RNF216: variants seen among roughly 807,000 people sequenced by gnomAD.
RNF216 encodes E3 ubiquitin-protein ligase RNF216.
Under a neutral mutation model 110.8 loss-of-function variants are expected in RNF216, and 72 were observed. The ratio of observed to expected loss-of-function variants is 0.65; its 90% confidence interval spans 0.54 to 0.79. The LOEUF is 0.79. Ranked by LOEUF, RNF216 falls within the 30% of genes least tolerant of loss-of-function variation. The probability of loss-of-function intolerance (pLI) is 0.00; values close to 1 mark genes in which losing one functional copy is unlikely to be tolerated. For missense variants in RNF216, 1,342 were observed against 1,141.2 expected (o/e 1.18, Z -2.54); for synonymous variants, 495 against 407.5 (o/e 1.21, Z -2.59).
chr7:5,663,506 C>A (rs1487264505), intron 13 of RNF216, among the ~76,000 whole-genome samples: 1 of 148,356 alleles, frequency 6.7e-6, no homozygotes, highest in Admixed American at 6.7e-5. Context: ...ATGGCCTGAA[C>A]CCGGGAGGCG....
chr7:5,727,179 G>A (rs1793811973), intron 7 of RNF216, among the ~76,000 whole-genome samples: 1 of 152,222 alleles, frequency 6.6e-6, no homozygotes, highest in South Asian at 2.1e-4. Context: ...AATCCCCAGT[G>A]TGGCGGTGTT....
intron 13 of RNF216, among the ~76,000 whole-genome samples, chr7:5,710,618 A>C (rs918073444): frequency 6.6e-6 from 1 of 152,224 alleles, no homozygotes; most frequent in Non-Finnish European, 1.5e-5. Flanking sequence ...ACCTCAGGAC[A>C]GTGTGCTGCA....
intron 13 of RNF216, among the ~76,000 whole-genome samples, chr7:5,659,686 ACTT>A (rs1023110955): frequency 1.3e-5 from 2 of 152,212 alleles, no homozygotes; most frequent in African/African-American, 4.8e-5. Context: ...CAAGTAAATA[ACTT>A]CTAGGGGAAC....
chr7:5,683,899 GC>G (rs1790808532), intron 13 of RNF216, among the ~76,000 whole-genome samples: 1 of 152,080 alleles, frequency 6.6e-6, no homozygotes, highest in Non-Finnish European at 1.5e-5. Context: ...GAATTCTCCA[GC>G]CTGCACAGAG....
At chr7:5,665,793 G>A (rs931428514) in intron 13 of RNF216, among the ~76,000 whole-genome samples, 1 of 151,878 alleles carries the variant, frequency 6.6e-6, no homozygotes, top group African/African-American at 2.4e-5. Flanking sequence ...TGTTTCTCTC[G>A]AATGGCTGTT....
At chr7:5,739,732 G>A in intron 4 of RNF216, 1 of 427,330 alleles carries the variant, frequency 2.3e-6, no homozygotes, top group South Asian at 1.7e-5. Context: ...CGGGTGCAGT[G>A]GCTCATGCCT....
At chr7:5,657,480 T>C (rs557610232) in intron 13 of RNF216, among the ~76,000 whole-genome samples, 29 of 152,090 alleles carry the variant, frequency 1.9e-4, no homozygotes, top group African/African-American at 3.9e-4. Context: ...GGCAGGAGAA[T>C]AGCTTGAACC....
intron 15 of RNF216, among the ~76,000 whole-genome samples, chr7:5,638,213 T>A (rs1305520732): frequency 6.6e-6 from 1 of 152,260 alleles, no homozygotes; most frequent in Non-Finnish European, 1.5e-5. Context: ...CTGTTTCTTT[T>A]CTTCCATGTT....
intron 2 of RNF216, 118 bp downstream of exon 2, chr7:5,760,885 A>G: frequency 1.2e-6 from 1 of 813,962 alleles, no homozygotes; most frequent in Non-Finnish European, 2.0e-6. Context: ...CTTTTTGTCA[A>G]AAACGAAATG....
Position 5,715,056 on chromosome 7 carries a change from T to G in RNF216, c.1830A>C (p.Gly610=). The G allele has an allele frequency of 6.2e-7, 1 of 1,612,564 alleles. No homozygotes were observed. Among genetic ancestry groups the G allele is most frequent in the South Asian group, 1.1e-5 (1 of 90,992 alleles). The part of the protein sequence containing the change: ...RYAQEAVFGS[G]KLELSCMEGS... ...GGACATATTACACAGTTCTTACCTT[T>G]CCAGATCCAAAGACTGCCTCTTGGG... The change falls in exon 11 of 17, where the codon GGA becomes GGC. Residue 610 remains glycine, a synonymous_variant. Transcript: ENST00000389902.
intron 2 of RNF216, among the ~76,000 whole-genome samples, chr7:5,756,497 C>T (rs1189993172): frequency 1.3e-5 from 2 of 152,190 alleles, no homozygotes; most frequent in East Asian, 1.9e-4. Flanking sequence ...TGGGTTCAAG[C>T]GATTCTCAGG....
intron 1 of RNF216, among the ~76,000 whole-genome samples, chr7:5,771,721 C>G (rs1012045185): frequency 6.6e-6 from 1 of 152,068 alleles, no homozygotes; most frequent in Admixed American, 6.6e-5. Context: ...CTCTTGAGCT[C>G]GAGAGGTGGA....
chr7:5,674,290 A>C (rs893725925), intron 13 of RNF216, among the ~76,000 whole-genome samples: 2 of 151,948 alleles, frequency 1.3e-5, no homozygotes, highest in Non-Finnish European at 2.9e-5. Context: ...TGCCTCCCAA[A>C]GTGTTGGGAT....
Position 5,669,222 on chromosome 7 carries a change from G to C in RNF216, c.2062-16712C>G, listed in dbSNP as rs537549680. 3.5e-4 allele frequency among the ~76,000 whole-genome samples: 53 copies of C among 152,294 alleles called. 1 individual carries two copies. The highest frequency in any genetic ancestry group is 3.9e-4 in the Admixed American group (6 of 15,294). The stretch of plus-strand genomic sequence containing the variant: ...TACTAAGCAGAGTTGCATCTGACAA[G>C]ATCTCTGATTCCGACACATAGTAAA... On this transcript the variant is annotated intron_variant, in intron 13 of 16. Coordinates refer to ENST00000389902, the MANE Select transcript of RNF216 (RefSeq NM_207111.4).
At chr7:5,661,915 G>A (rs967253875) in intron 13 of RNF216, among the ~76,000 whole-genome samples, 7 of 152,220 alleles carry the variant, frequency 4.6e-5, no homozygotes, top group African/African-American at 1.7e-4. Flanking sequence ...AAATCCACTT[G>A]CTCTTACTCT....
At chr7:5,722,377 T>TTTTTG (rs1562429885) in intron 8 of RNF216, among the ~76,000 whole-genome samples, 1 of 150,182 alleles carries the variant, frequency 6.7e-6, no homozygotes, top group Non-Finnish European at 1.5e-5. Flanking sequence ...ATGTTTTTTT[T>TTTTTG]TTTGTTTGTT....
chr7:5,769,398 G>T (rs566413435), intron 1 of RNF216, among the ~76,000 whole-genome samples: 2 of 151,952 alleles, frequency 1.3e-5, no homozygotes, highest in African/African-American at 4.8e-5. Flanking sequence ...TTACAGGCGT[G>T]AGCCACCGCG....
intron 11 of RNF216, among the ~76,000 whole-genome samples, chr7:5,714,225 T>C (rs1335080307): frequency 6.6e-6 from 1 of 152,174 alleles, no homozygotes; most frequent in Non-Finnish European, 1.5e-5. Context: ...CCTCCCAAAG[T>C]GCTGGGATTA....
intron 2 of RNF216, among the ~76,000 whole-genome samples, chr7:5,753,761 C>T (rs991279985): frequency 3.3e-5 from 5 of 152,074 alleles, no homozygotes; most frequent in African/African-American, 9.7e-5. Flanking sequence ...CTTTGGGAGG[C>T]CGAGGTGGGT....
Sources: allele counts gnomAD v4.1 joint callset (sites outside exome capture counted in the v4.1 genomes callset), GRCh38; gene constraint gnomAD v4.1.1; transcripts MANE v1.5; gene names NCBI Gene and HGNC (gene_info 2026-07-23, HGNC 2026-07-21).